Variants in STKLD1 observed in about 807,000 individuals in gnomAD.
The protein encoded by STKLD1 is serine/threonine kinase-like domain-containing protein STKLD1.
A neutral mutation model predicts 80.4 loss-of-function variants in STKLD1; 79 were observed. The ratio of observed to expected loss-of-function variants is 0.98; its 90% CI spans 0.82 to 1.19. The LOEUF is 1.19. Among genes scored for constraint, STKLD1 ranks in the 50% most tolerant of loss-of-function variants. The pLI is 0.00. For missense variants in STKLD1, 841 were observed against 856.0 expected, an observed-to-expected ratio of 0.98 and a Z score of 0.22; for synonymous variants, 393 against 357.6, an observed-to-expected ratio of 1.10 and a Z score of -1.12.
chr9:133,391,204 C>CG (rs1261142831), intron 7 of STKLD1, among the ~76,000 whole-genome samples: 1 of 148,982 alleles, frequency 6.7e-6, no homozygotes, highest in Non-Finnish European at 1.5e-5. Context: ...TCAGCCCCCC[C>CG]GCCCAGACAG....
At chr9:133,395,966 G>A (rs1223615204) in intron 9 of STKLD1, 3 of 533,406 alleles carry the variant, frequency 5.6e-6, no homozygotes, top group Non-Finnish European at 9.8e-6. Flanking sequence ...ATGTACGGTG[G>A]AGTGAGCAGA....
Position 133,384,004 on chromosome 9 carries a change from G to T in STKLD1, c.219+104G>T. 2.6e-6 allele frequency: 3 copies of T among 1,157,808 alleles called. No individual in the cohort carries two copies. The highest frequency in any genetic ancestry group is 3.9e-6 in the Non-Finnish European group (3 of 774,784). The allele number at this position is 1,157,808 out of a possible 1,614,324, so 71.7% of individuals were successfully genotyped here. On this transcript the variant is annotated intron_variant, in intron 3 of 17. Coordinates refer to ENST00000371957, the MANE Select transcript of STKLD1 (RefSeq NM_153710.5). The surrounding 1 kb of genome is among the most constrained non-coding windows in gnomAD (Gnocchi z 4.3). Reference sequence around the variant, plus strand: ...TGCCTGGATGAAGAGAAGGCTGGAGGGAGGGATAGAGCATCAGCACCAGTT... The same window carrying T: ...TGCCTGGATGAAGAGAAGGCTGGAGTGAGGGATAGAGCATCAGCACCAGTT...
At chr9:133,400,320 C>A in intron 11 of STKLD1, 93 bp from the exon 12 acceptor site, 2 of 871,836 alleles carry the variant, frequency 2.3e-6, no homozygotes, top group East Asian at 2.4e-5. Context: ...TAGGGCCCTG[C>A]AGGCTCCTAC....
At chr9:133,392,026 A>C (rs1206759017) in intron 7 of STKLD1, among the ~76,000 whole-genome samples, 2 of 148,514 alleles carry the variant, frequency 1.3e-5, no homozygotes, top group Non-Finnish European at 3.0e-5. Context: ...TCAACCACAG[A>C]GGAGGAGTCC....
intron 5 of STKLD1, chr9:133,388,855 A>G: frequency 1.0e-6 from 1 of 985,418 alleles, no homozygotes; most frequent in Non-Finnish European, 1.2e-6. Flanking sequence ...CCTCAGAGGC[A>G]GGCCCGGAGT....
In STKLD1 at chr9:133,394,475, G is replaced by T. The variant is rs891086392; in HGVS notation, c.702+66G>T. 3.3e-6 allele frequency: 4 copies of T among 1,216,634 alleles called. No individual in the cohort carries two copies. The African/African-American group carries it at 6.0e-5, about 18-fold the overall frequency. 75.4% of individuals were successfully genotyped at this position (1,216,634 alleles called of 1,614,324 possible). On this transcript the variant is annotated intron_variant, in intron 8 of 17. Transcript: ENST00000371957. The surrounding 1 kb of genome is among the most constrained non-coding windows in gnomAD (Gnocchi z 4.9). Reference sequence around the variant, plus strand: ...CCACGCGCCCAGGCCTGGGGAAAAGGCTTGGCCTCACCCTGCCTCCCCTCT... The same window carrying T: ...CCACGCGCCCAGGCCTGGGGAAAAGTCTTGGCCTCACCCTGCCTCCCCTCT...
chr9:133,390,788 C>G lies in STKLD1; in HGVS notation c.575C>G (p.Ala192Gly). The G allele has an allele frequency of 6.2e-7, 1 of 1,613,308 alleles. No homozygotes were observed. Among genetic ancestry groups the G allele is most frequent in the Non-Finnish European group, 8.5e-7 (1 of 1,179,640 alleles). Residue 192 changes from alanine to glycine, a missense_variant, in exon 7 of 18, where the codon GCG becomes GGG. Coordinates refer to ENST00000371957, the MANE Select transcript of STKLD1 (RefSeq NM_153710.5). The surrounding 1 kb of genome is among the most constrained non-coding windows in gnomAD (Gnocchi z 5.1). The stretch of plus-strand genomic sequence containing the variant: ...GACAAAGCCAAATGGAATATTCGTG[C>G]GGAGGAAGGTGGCAGGGGCTCCCCC... The part of the protein sequence containing the change: ...MTDKAKWNIR[A>G]EEDPFRKSWM...
chr9:133,404,273 C>T (rs1415538959), intron 16 of STKLD1, among the ~76,000 whole-genome samples: 1 of 151,354 alleles, frequency 6.6e-6, no homozygotes, highest in East Asian at 1.9e-4. Flanking sequence ...CTGTGACCCT[C>T]TCTCTGTCCA....
chr9:133,377,684 C>T (rs1838023901), intron 1 of STKLD1, among the ~76,000 whole-genome samples: 1 of 152,020 alleles, frequency 6.6e-6, no homozygotes, highest in African/African-American at 2.4e-5. Context: ...AAAAAAATAG[C>T]AGTCCCCAAC....
chr9:133,386,752 C>T (rs190207167), intron 4 of STKLD1, among the ~76,000 whole-genome samples: 121 of 152,340 alleles, frequency 7.9e-4, no homozygotes, highest in African/African-American at 2.1e-3. Flanking sequence ...AGGCAGACAG[C>T]GGGAGGCTGA....
rs1193865795 is a variant in STKLD1, at chr9:133,403,028, C to A, written c.1474+16C>A. 83 of 1,553,888 alleles carry A rather than the reference C, an allele frequency of 5.3e-5. No individual in the cohort carries two copies. The highest frequency in any genetic ancestry group is 6.8e-5 in the Non-Finnish European group (78 of 1,148,436). On this transcript the variant is annotated intron_variant, in intron 14 of 17. Transcript: ENST00000371957. ...CTGCTGGACGGTGAGGGGCCCTCCTCCTGCTGTCCCACCGGGGCTGGCAGC... is the reference window on the plus strand; with the variant it reads ...CTGCTGGACGGTGAGGGGCCCTCCTACTGCTGTCCCACCGGGGCTGGCAGC...
At chr9:133,388,718 C>T in intron 5 of STKLD1, 1 of 984,068 alleles carries the variant, frequency 1.0e-6, no homozygotes, top group Non-Finnish European at 1.2e-6. Flanking sequence ...TTATTTTTGC[C>T]TTCACATTTA....
At chr9:133,393,376 ATGGGTAGG>A (rs1838467803) in intron 7 of STKLD1, among the ~76,000 whole-genome samples, 1 of 114,718 alleles carries the variant, frequency 8.7e-6, no homozygotes, top group African/African-American at 3.5e-5. Context: ...GGATGGATAG[ATGGGTAGG>A]TGAGTAGATG....
In STKLD1 at chr9:133,397,432, G is replaced by T. The variant is rs1265528122; in HGVS notation, c.997+138G>T. The T allele has an allele frequency of 3.4e-6, 4 of 1,174,148 alleles. No individual in the cohort carries two copies. The East Asian group carries it at 1.0e-4, about 30-fold the overall frequency. The allele number at this position is 1,174,148 out of a possible 1,614,324, so 72.7% of individuals were successfully genotyped here. A position where few individuals can be genotyped will look rare whatever the true frequency, so the allele number is the denominator to read the frequency against. ...CATGCACGACCAGTGGGTAGGAACA[G>T]TTTCCCTCCATCCATCCCTACACAC... On this transcript the variant is annotated intron_variant, in intron 10 of 17. Coordinates refer to ENST00000371957, the MANE Select transcript of STKLD1 (RefSeq NM_153710.5).
intron 2 of STKLD1, among the ~76,000 whole-genome samples, 195 bp downstream of exon 2, chr9:133,379,317 T>C (rs969260302): frequency 6.6e-6 from 1 of 152,064 alleles, no homozygotes; most frequent in Non-Finnish European, 1.5e-5. Context: ...GGGGAAGCAA[T>C]GCTAATTTTT....
At chr9:133,383,941 G>C (rs201285316) in intron 3 of STKLD1, 41 bp downstream of exon 3, 1 of 1,578,050 alleles carries the variant, frequency 6.3e-7, no homozygotes. Context: ...GAGCTCAATG[G>C]AGCATACACA....
intron 16 of STKLD1, 74 bp from the exon 17 acceptor site, chr9:133,404,715 A>T: frequency 1.3e-6 from 2 of 1,562,494 alleles, no homozygotes; most frequent in Non-Finnish European, 1.7e-6. Context: ...CTGGGGTCCC[A>T]TCCCGTCCTG....
chr9:133,405,037 A>G, intron 17 of STKLD1, 108 bp downstream of exon 17: 1 of 1,476,480 alleles, frequency 6.8e-7, no homozygotes, highest in Non-Finnish European at 9.2e-7. Flanking sequence ...GCTCAACCCC[A>G]CTTCTCGGCC....
At chr9:133,397,666 G>T (rs941459214) in intron 10 of STKLD1, among the ~76,000 whole-genome samples, 1 of 152,194 alleles carries the variant, frequency 6.6e-6, no homozygotes, top group Non-Finnish European at 1.5e-5. Flanking sequence ...AGTGGTCCCA[G>T]GACATCTTCC....
Sources: gnomAD v4.1 joint callset for allele counts (sites outside exome capture counted in the v4.1 genomes callset) on GRCh38, gnomAD v4.1.1 for gene constraint, Gnocchi (gnomAD v3.1) non-coding constraint, MANE v1.5 for transcripts, NCBI Gene and HGNC (gene_info 2026-07-23, HGNC 2026-07-21) for gene names.